The following CALD1 variants were observed in gnomAD, a reference collection of about 807,000 sequenced individuals.
CALD1 encodes the protein caldesmon 1.
In CALD1, 33 loss-of-function variants were observed where a neutral mutation model predicts 99.9. That is an observed-to-expected ratio of 0.33 (90% CI 0.25 to 0.44). The LOEUF (loss-of-function observed/expected upper bound fraction) is 0.44, where lower values mean the gene tolerates loss of function less well. Among genes scored for constraint, CALD1 ranks in the 20% least tolerant of loss-of-function variants. CALD1 has a pLI of 1.00. For missense variants in CALD1, 861 were observed against 962.1 expected, an observed-to-expected ratio of 0.89 and a Z score of 1.39; for synonymous variants, 310 against 325.0, an observed-to-expected ratio of 0.95 and a Z score of 0.50.
At chr7:134,746,296 C>G (rs2131542218) in intron 1 of CALD1, among the ~76,000 whole-genome samples, 1 of 152,304 alleles carries the variant, frequency 6.6e-6, no homozygotes, top group East Asian at 1.9e-4. Context: ...GAGGACACAG[C>G]AAGAAGGCAC....
chr7:134,945,077 A>T (rs1806752057), intron 7 of CALD1, among the ~76,000 whole-genome samples: 1 of 152,232 alleles, frequency 6.6e-6, no homozygotes, highest in Non-Finnish European at 1.5e-5. Flanking sequence ...AAATTTTACC[A>T]TAAGGACTCT....
chr7:134,851,145 T>C lies in CALD1; in HGVS notation c.-42+7174T>C, dbSNP rs562651315. On this transcript the variant is annotated intron_variant, in intron 2 of 14. Transcript: ENST00000361675. The stretch of plus-strand genomic sequence containing the variant: ...TTCAAATTTTGAGTCTGAATGCTCA[T>C]AGGGATGCAGGGATGCATATGTTCT... Among the ~76,000 whole-genome samples, 12 of 152,314 alleles carry C rather than the reference T, an allele frequency of 7.9e-5. No homozygotes were observed. The East Asian group carries it at 1.9e-3, about 24-fold the overall frequency.
At chr7:134,793,261 A>G (rs1441101309) in intron 1 of CALD1, among the ~76,000 whole-genome samples, 2 of 152,238 alleles carry the variant, frequency 1.3e-5, no homozygotes, top group African/African-American at 4.8e-5. Flanking sequence ...ATTTTTATAT[A>G]TGCTGATCAC....
In CALD1 at chr7:134,894,349, G is replaced by A. The variant is rs779981454; in HGVS notation, c.71+26545G>A. ...CCCAATAAATGGCAATTCACTTGAGGGCAGGAATGATTTTGAATCTTTGAA... is the reference window on the plus strand; with the variant it reads ...CCCAATAAATGGCAATTCACTTGAGAGCAGGAATGATTTTGAATCTTTGAA... On this transcript the variant is annotated intron_variant, in intron 3 of 14. Coordinates refer to ENST00000361675, the MANE Select transcript of CALD1 (RefSeq NM_033138.4). 2.0e-5 allele frequency among the ~76,000 whole-genome samples: 3 copies of A among 152,138 alleles called. No individual in the cohort carries two copies. In the East Asian group the frequency reaches 5.8e-4, roughly 29 times the overall value.
chr7:134,824,566 C>A (rs1430101666), intron 1 of CALD1, among the ~76,000 whole-genome samples: 1 of 152,116 alleles, frequency 6.6e-6, no homozygotes, highest in African/African-American at 2.4e-5. Context: ...TTCAACTCTT[C>A]CACCTCTATC....
chr7:134,846,014 C>G (rs764168990), intron 2 of CALD1, among the ~76,000 whole-genome samples: 2 of 152,196 alleles, frequency 1.3e-5, no homozygotes, highest in Non-Finnish European at 2.9e-5. Flanking sequence ...TTGCTCCCTT[C>G]TAGCTAACTC....
At chr7:134,720,740 CAG>C in the CALD1 span, among the ~76,000 whole-genome samples, 94 of 152,238 alleles carry the variant, frequency 6.2e-4, no homozygotes, top group African/African-American at 2.2e-3. Context: ...AGGAAAACAA[CAG>C]AGAGTGGGGA....
At chr7:134,787,358 G>T (rs1797345397) in intron 1 of CALD1, among the ~76,000 whole-genome samples, 1 of 152,132 alleles carries the variant, frequency 6.6e-6, no homozygotes, top group Admixed American at 6.5e-5. Context: ...GGGAAATTTA[G>T]GCTTAGGGGG....
At chr7:134,779,796 G>A in intron 1 of CALD1, 47 bp downstream of exon 1, 3 of 398,048 alleles carry the variant, frequency 7.5e-6, no homozygotes, top group Non-Finnish European at 1.3e-5. Context: ...GAGAATCTGG[G>A]GACTTTCTCC....
intron 4 of CALD1, among the ~76,000 whole-genome samples, chr7:134,929,514 T>C (rs1288221170): frequency 6.7e-6 from 1 of 149,878 alleles, no homozygotes; most frequent in Non-Finnish European, 1.5e-5. Flanking sequence ...CATTCCTGAG[T>C]TACTTCACTT....
chr7:134,878,996 A>G (rs1349955612), intron 3 of CALD1, among the ~76,000 whole-genome samples: 2 of 152,150 alleles, frequency 1.3e-5, no homozygotes, highest in Non-Finnish European at 2.9e-5. Flanking sequence ...GATGTAATGA[A>G]AGCTATCCAA....
intron 9 of CALD1, among the ~76,000 whole-genome samples, chr7:134,955,522 G>GC (rs1190492939): frequency 6.6e-6 from 1 of 152,244 alleles, no homozygotes; most frequent in Non-Finnish European, 1.5e-5. Context: ...AAATCAAGGT[G>GC]CAAGCAGATT....
chr7:134,905,633 G>A (rs989583853), intron 3 of CALD1, among the ~76,000 whole-genome samples: 2 of 151,288 alleles, frequency 1.3e-5, no homozygotes, highest in African/African-American at 4.9e-5. Context: ...GATCCTGCTT[G>A]ATGAGCAAAC....
intron 3 of CALD1, among the ~76,000 whole-genome samples, chr7:134,887,608 A>ATGCG (rs1202942896): frequency 6.6e-6 from 1 of 151,172 alleles, no homozygotes; most frequent in Non-Finnish European, 1.5e-5. Context: ...GTATGCATGC[A>ATGCG]TGCGTGTATA....
intron 3 of CALD1, among the ~76,000 whole-genome samples, chr7:134,872,280 C>T (rs1801123980): frequency 6.6e-6 from 1 of 150,386 alleles, no homozygotes; most frequent in Admixed American, 6.7e-5. Context: ...ATCGCTTGAA[C>T]CTGGGAGGCA....
intron 2 of CALD1, among the ~76,000 whole-genome samples, chr7:134,853,274 A>G (rs966554907): frequency 6.6e-6 from 1 of 152,156 alleles, no homozygotes; most frequent in Non-Finnish European, 1.5e-5. Flanking sequence ...CCTATTTAGG[A>G]GAGAGAAGTG....
chr7:134,832,238 C>G (rs375641650), intron 1 of CALD1, among the ~76,000 whole-genome samples: 1 of 152,186 alleles, frequency 6.6e-6, no homozygotes, highest in African/African-American at 2.4e-5. Flanking sequence ...GGTCTGCACT[C>G]AGTTAACACT....
intron 3 of CALD1, among the ~76,000 whole-genome samples, chr7:134,923,910 G>A (rs190178217): frequency 6.6e-6 from 1 of 152,294 alleles, no homozygotes; most frequent in East Asian, 1.9e-4. Context: ...AATTGAACAA[G>A]TGATTAAAGT....
chr7:134,949,782 T>C (rs1584652514), intron 8 of CALD1, among the ~76,000 whole-genome samples: 1 of 152,080 alleles, frequency 6.6e-6, no homozygotes, highest in Admixed American at 6.6e-5. Flanking sequence ...CTATGGGAAA[T>C]CATCATAATG....
Sources: allele counts gnomAD v4.1 joint callset (sites outside exome capture counted in the v4.1 genomes callset), GRCh38; gene constraint gnomAD v4.1.1; transcripts MANE v1.5; gene names NCBI Gene and HGNC (gene_info 2026-07-23, HGNC 2026-07-21).